KMT2C: variants seen among roughly 807,000 people sequenced by gnomAD.
KMT2C encodes the protein histone-lysine N-methyltransferase 2C.
In KMT2C, 88 loss-of-function variants were observed where a neutral mutation model predicts 507.9. That is an observed-to-expected ratio of 0.17 (90% CI 0.15 to 0.21). KMT2C has a LOEUF of 0.21. Among genes scored for constraint, KMT2C ranks in the 10% least tolerant of loss-of-function variants. The pLI is 1.00. For synonymous variants in KMT2C, 2,049 were observed against 2,080.8 expected (o/e 0.98, Z 0.42); for missense variants, 4,954 against 5,957.8 (o/e 0.83, Z 5.55).
chr7:152,178,090 A>G lies in KMT2C; in HGVS notation c.7443-80T>C, dbSNP rs2093292764. 5.4e-6 allele frequency: 7 copies of G among 1,307,528 alleles called. No individual in the cohort carries two copies. In the South Asian group the frequency reaches 1.5e-4, roughly 28 times the overall value. 81.0% of individuals were successfully genotyped at this position (1,307,528 alleles called of 1,614,324 possible). ...TTAGAGTTAAGTTGAAAAAAAGAAA[A>G]GTCTTCAATTAAACTGTACATACAA... is the stretch of plus-strand genomic sequence containing the variant. On this transcript the variant is annotated intron_variant, in intron 37 of 58. Coordinates refer to ENST00000262189, the MANE Select transcript of KMT2C (RefSeq NM_170606.3).
intron 51 of KMT2C, among the ~76,000 whole-genome samples, chr7:152,150,442 C>T (rs2091513158): frequency 1.3e-5 from 2 of 152,126 alleles, no homozygotes; most frequent in South Asian, 4.2e-4. Flanking sequence ...CATGGTGAAA[C>T]CCCATCTCTA....
At chr7:152,243,547 C>A (rs2095421533) in intron 14 of KMT2C, among the ~76,000 whole-genome samples, 1 of 152,104 alleles carries the variant, frequency 6.6e-6, no homozygotes, top group South Asian at 2.1e-4. Flanking sequence ...TTTGGGAGGA[C>A]AAGGCGGGTG....
chr7:152,263,264 T>G (rs923868511), intron 8 of KMT2C, 134 bp from the exon 9 acceptor site: 2 of 678,648 alleles, frequency 2.9e-6, no homozygotes, highest in South Asian at 2.3e-5. Flanking sequence ...TCTCTGCAGA[T>G]AGTAACAGAG....
rs2095329507 is a variant in KMT2C, at chr7:152,238,697, T to C, written c.2652+10A>G. 1 of 1,599,032 alleles carries C rather than the reference T, an allele frequency of 6.3e-7. No individual in the cohort carries two copies. The highest frequency in any genetic ancestry group is 1.4e-5 in the African/African-American group (1 of 73,898). The stretch of plus-strand genomic sequence containing the variant: ...AAATGATATATGAATGTAAATGCAA[T>C]TTTATTTACCACTTTGATGCTCCAA... On this transcript the variant is annotated intron_variant, in intron 15 of 58. Transcript: ENST00000262189.
intron 3 of KMT2C, among the ~76,000 whole-genome samples, chr7:152,323,837 G>GGAGA (rs755994844): frequency 2.7e-5 from 4 of 145,798 alleles, no homozygotes; most frequent in East Asian, 4.1e-4. Flanking sequence ...GGAAGAGTGG[G>GGAGA]GAGAGAGAGA....
At chr7:152,298,516 A>C (rs9655615) in intron 6 of KMT2C, among the ~76,000 whole-genome samples, 6,457 of 152,316 alleles carry the variant, frequency 0.042, 480 homozygotes, top group African/African-American at 0.15. Context: ...AGAAGAAAAA[A>C]GGCCAACTAG....
intron 25 of KMT2C, among the ~76,000 whole-genome samples, chr7:152,203,438 G>C (rs1563377680): frequency 6.6e-6 from 1 of 151,732 alleles, no homozygotes; most frequent in Non-Finnish European, 1.5e-5. Context: ...TTTTTTGTAG[G>C]GTGTATTGAG....
intron 2 of KMT2C, among the ~76,000 whole-genome samples, chr7:152,349,711 G>A (rs2097094969): frequency 6.6e-6 from 1 of 152,028 alleles, no homozygotes; most frequent in Non-Finnish European, 1.5e-5. Flanking sequence ...ATACTATAAT[G>A]ACAGATACCT....
intron 6 of KMT2C, among the ~76,000 whole-genome samples, chr7:152,299,273 G>A (rs1442756163): frequency 7.9e-5 from 12 of 151,754 alleles, no homozygotes; most frequent in Non-Finnish European, 1.0e-4. Flanking sequence ...AGCCGAGATA[G>A]CGCCACTGCA....
rs184669311 is a variant in KMT2C at position 152,426,294 on chromosome 7, G to C, written c.161+9332C>G. The stretch of plus-strand genomic sequence containing the variant: ...GCTCTGTCACCCAGGCTGGAGTGCA[G>C]TGGCATGATCACAGCTCACTGTAGC... On this transcript the variant is annotated intron_variant, in intron 1 of 58. Transcript: ENST00000262189. Among the ~76,000 whole-genome samples the C allele has an allele frequency of 2.2e-3, 319 of 144,820 alleles. 3 individuals are homozygous for C. Among genetic ancestry groups the C allele is most frequent in the Middle Eastern group, 0.011 (3 of 276 alleles).
chr7:152,187,958 A>G (rs1588056819), intron 31 of KMT2C, 111 bp from the exon 32 acceptor site: 5 of 1,013,216 alleles, frequency 4.9e-6, no homozygotes, highest in Non-Finnish European at 7.3e-6. Context: ...CCACATAAAC[A>G]CACATTTTTT....
At chr7:152,400,002 A>T (rs2097562149) in intron 1 of KMT2C, among the ~76,000 whole-genome samples, 1 of 152,118 alleles carries the variant, frequency 6.6e-6, no homozygotes, top group African/African-American at 2.4e-5. Context: ...GCAGCTATAG[A>T]GAAAACAAAG....
intron 1 of KMT2C, among the ~76,000 whole-genome samples, chr7:152,373,324 T>C (rs902489510): frequency 6.6e-6 from 1 of 152,160 alleles, no homozygotes; most frequent in Non-Finnish European, 1.5e-5. Context: ...CCCCAACACC[T>C]AACAGCACCA....
intron 1 of KMT2C, among the ~76,000 whole-genome samples, chr7:152,371,390 T>G (rs2097292261): frequency 6.6e-6 from 1 of 151,866 alleles, no homozygotes; most frequent in African/African-American, 2.4e-5. Flanking sequence ...AGTAGATACA[T>G]AAACCAGAAA....
intron 6 of KMT2C, among the ~76,000 whole-genome samples, chr7:152,296,521 T>C (rs1050991886): frequency 4.0e-5 from 6 of 151,634 alleles, no homozygotes; most frequent in Non-Finnish European, 8.8e-5. Flanking sequence ...ATTAACATAA[T>C]AATAAAAAGG....
At chr7:152,259,485 CACACAG>C (rs143624967) in intron 9 of KMT2C, among the ~76,000 whole-genome samples, 6,743 of 142,674 alleles carry the variant, frequency 0.047, 200 homozygotes, top group East Asian at 0.14. Flanking sequence ...CACACACACA[CACACAG>C]AGAAAGCAAG....
At chr7:152,218,188 T>C (rs1247368961) in intron 23 of KMT2C, among the ~76,000 whole-genome samples, 1 of 152,176 alleles carries the variant, frequency 6.6e-6, no homozygotes, top group East Asian at 1.9e-4. Flanking sequence ...TTTTTTGAGA[T>C]GGAGTCTCAC....
In KMT2C at chr7:152,311,792, C is replaced by T. The variant is rs1464309265; in HGVS notation, c.739+6G>A. ...GAGGCAGTCATTATTGAAAACATGC[C>T]CATACCTGTAGAATCAAATAAGGCT... On this transcript the variant is annotated splice_donor_region_variant and intron_variant, in intron 5 of 58. Coordinates refer to ENST00000262189, the MANE Select transcript of KMT2C (RefSeq NM_170606.3). The T allele has an allele frequency of 1.3e-6, 2 of 1,596,802 alleles. No homozygotes were observed. The highest frequency in any genetic ancestry group is 3.4e-5 in the Admixed American group (2 of 59,210).
chr7:152,416,672 G>A (rs113562486), intron 1 of KMT2C, among the ~76,000 whole-genome samples: 3 of 148,482 alleles, frequency 2.0e-5, no homozygotes, highest in East Asian at 2.0e-4. Context: ...TGCAGTAAGC[G>A]GAGATCATGC....
Sources: gnomAD v4.1 joint callset for allele counts (sites outside exome capture counted in the v4.1 genomes callset) on GRCh38, gnomAD v4.1.1 for gene constraint, MANE v1.5 for transcripts, NCBI Gene and HGNC (gene_info 2026-07-23, HGNC 2026-07-21) for gene names.